ADPRHL1: variants seen among roughly 807,000 people sequenced by gnomAD.
ADPRHL1 encodes the protein ADP-ribosylhydrolase like 1.
ADPRHL1 carries 43 observed loss-of-function variants against 44.1 expected under a neutral mutation model. The observed-to-expected ratio is 0.98, with a 90% CI of 0.76 to 1.26. ADPRHL1 has a LOEUF of 1.26. Ranked by LOEUF, ADPRHL1 falls within the 50% of genes most tolerant of loss-of-function variation. The pLI is 0.00. For synonymous variants in ADPRHL1, 878 were observed against 1,017.4 expected (o/e 0.86, Z 2.61); for missense variants, 2,022 against 2,496.9 (o/e 0.81, Z 4.05).
intron 7 of ADPRHL1, among the ~76,000 whole-genome samples, chr13:113,419,037 TC>T (rs150903118): frequency 0.076 from 3,209 of 42,022 alleles, 4 homozygotes; most frequent in Middle Eastern, 0.15. Context: ...CCCCTTCCCC[TC>T]CCCTTCCCTT....
At chr13:113,412,170 A>T (rs998180644) in intron 7 of ADPRHL1, among the ~76,000 whole-genome samples, 53 of 152,070 alleles carry the variant, frequency 3.5e-4, no homozygotes, top group African/African-American at 1.2e-3. Context: ...GACTACTGTC[A>T]CAGCACTATA....
chr13:113,428,554 G>C (rs2043983181), intron 4 of ADPRHL1, among the ~76,000 whole-genome samples: 1 of 152,236 alleles, frequency 6.6e-6, no homozygotes, highest in Admixed American at 6.5e-5. Flanking sequence ...CTGAGGGAAG[G>C]GCCCAGCCCT....
At chr13:113,422,620 C>T (rs537808741) in intron 7 of ADPRHL1, 51 of 694,912 alleles carry the variant, frequency 7.3e-5, no homozygotes, top group African/African-American at 3.4e-4. Context: ...TGGTGGAGGA[C>T]GGAAAATATT....
rs2043784354 is a variant in ADPRHL1, at chr13:113,403,983, C to T, written c.5299G>A (p.Gly1767Arg). The T allele has an allele frequency of 7.6e-7, 1 of 1,318,286 alleles. No homozygotes were observed. The highest frequency in any genetic ancestry group is 2.5e-5 in the South Asian group (1 of 40,014). The allele number at this position is 1,318,286 out of a possible 1,614,324, so 81.7% of individuals were successfully genotyped here. A position where few individuals can be genotyped will look rare whatever the true frequency, so the allele number is the denominator to read the frequency against. Residue 1767 changes from glycine to arginine, a missense_variant, in exon 8 of 8, where the codon GGG becomes AGG. Transcript: ENST00000612156. ...CGATCCCGAGCCCATTCCTGAGCCC[C>T]TTTCTGGGCCTGACCCTGAGCCTCT... ...HIEAQGQAQK[G>R]AQEWARDRAR...
chr13:113,408,554 G>T (rs1315391364), intron 7 of ADPRHL1, among the ~76,000 whole-genome samples: 1 of 152,152 alleles, frequency 6.6e-6, no homozygotes, highest in Non-Finnish European at 1.5e-5. Flanking sequence ...CATATTAAAA[G>T]AAAATTTTAA....
chr13:113,444,214 A>G (rs966928323), intron 2 of ADPRHL1, among the ~76,000 whole-genome samples: 13 of 151,976 alleles, frequency 8.6e-5, no homozygotes, highest in Non-Finnish European at 1.9e-4. Flanking sequence ...TGCCGGGCTG[A>G]CCAGGAGGGG....
chr13:113,409,249 GA>G lies in ADPRHL1; in HGVS notation c.1062-1030del, dbSNP rs2043832877. The stretch of plus-strand genomic sequence containing the variant: ...TGCTCCTGAGCAGCCGTGACCACAG[GA>G]GCAAAGCTGGAAGGTCTCCCCATCT... On this transcript the variant is annotated intron_variant, in intron 7 of 7. Transcript: ENST00000612156. This position sits in a 1 kb window ranked among gnomAD's most constrained non-coding sequence, Gnocchi z 4.2. 1.0e-6 allele frequency: 1 copy of G among 975,344 alleles called. No homozygotes were observed. Among genetic ancestry groups the G allele is most frequent in the Non-Finnish European group, 1.2e-6 (1 of 820,936 alleles). 60.4% of individuals were successfully genotyped at this position (975,344 alleles called of 1,614,324 possible).
chr13:113,447,563 T>C (rs565796593), intron 1 of ADPRHL1, among the ~76,000 whole-genome samples: 1 of 151,618 alleles, frequency 6.6e-6, no homozygotes, highest in Non-Finnish European at 1.5e-5. Flanking sequence ...GGTGTCTACA[T>C]GCACATTGTA....
intron 2 of ADPRHL1, among the ~76,000 whole-genome samples, chr13:113,436,246 A>T: frequency 6.6e-6 from 1 of 151,434 alleles, no homozygotes; most frequent in Admixed American, 6.6e-5. Context: ...ACCCAGGTGT[A>T]GAGTGAACAT....
intron 7 of ADPRHL1, among the ~76,000 whole-genome samples, chr13:113,414,342 A>G (rs1037104686): frequency 1.3e-5 from 2 of 152,156 alleles, no homozygotes; most frequent in Admixed American, 6.5e-5. Context: ...AGAGGCCTGC[A>G]CTGCCATTTC....
chr13:113,425,279 G>A (rs568539113), intron 4 of ADPRHL1, 100 bp from the exon 5 acceptor site: 16 of 1,213,194 alleles, frequency 1.3e-5, no homozygotes, highest in Middle Eastern at 2.8e-4. Context: ...TGTGTGTGGC[G>A]GGGAAGTGGC....
In ADPRHL1 at chr13:113,405,330, G is replaced by A. The variant is rs1207178056; in HGVS notation, c.3952C>T (p.Pro1318Ser). ...AEPDHLLPAV[P>S]PAEVDMGWVG... ...CACCCCATGTCCACCTCCGCGGGAG[G>A]CACTGCGGGAAGCAGATGGTCAGGC... The change falls in exon 8 of 8, where the codon CCT (proline) becomes TCT (serine). Residue 1318 changes from proline to serine, a missense_variant. Pro to Ser is a moderately conservative substitution (Grantham distance 74, BLOSUM62 -1). Coordinates refer to ENST00000612156, the MANE Select transcript of ADPRHL1 (RefSeq NM_001394807.1). 2 of 1,231,836 alleles carry A rather than the reference G, an allele frequency of 1.6e-6. No individual in the cohort carries two copies. The highest frequency in any genetic ancestry group is 2.0e-6 in the Non-Finnish European group (2 of 988,068). The allele number at this position is 1,231,836 out of a possible 1,614,324, so 76.3% of individuals were successfully genotyped here.
rs977480546 is a variant in ADPRHL1 at position 113,441,031 on chromosome 13, T to C, written c.379+3394A>G. Among the ~76,000 whole-genome samples, 1 of 151,862 alleles carries C rather than the reference T, an allele frequency of 6.6e-6. No homozygotes were observed. Among genetic ancestry groups the C allele is most frequent in the African/African-American group, 2.4e-5 (1 of 41,362 alleles). On this transcript the variant is annotated intron_variant, in intron 2 of 7. Transcript: ENST00000612156. This position sits in a 1 kb window ranked among gnomAD's most constrained non-coding sequence, Gnocchi z 6.0. ...AGCCAGGTGTGGTGGTGGGCGCCCG[T>C]AGTCCCAGCTACTTGGGAGGTGGAG...
chr13:113,421,051 T>G (rs9577543), intron 7 of ADPRHL1, among the ~76,000 whole-genome samples: 1 of 101,256 alleles, frequency 9.9e-6, no homozygotes, highest in Non-Finnish European at 2.0e-5. Context: ...ATGCCTACCC[T>G]GGGACATCCC....
In ADPRHL1 at chr13:113,407,338, T is replaced by C. The variant is rs1220143701; in HGVS notation, c.1944A>G (p.Pro648=). The change falls in exon 8 of 8, where the codon CCA becomes CCG. Residue 648 remains proline (P), a synonymous_variant. Transcript: ENST00000612156. The part of the protein sequence containing the change: ...TKISHSEARR[P]PRGEASVPPS... ...GGGGCACGCTGGCTTCTCCTCTGGGTGGACGCCTTGCCTCCGAGTGGCTGA... is the reference window on the plus strand; with the variant it reads ...GGGGCACGCTGGCTTCTCCTCTGGGCGGACGCCTTGCCTCCGAGTGGCTGA... The C allele has an allele frequency of 8.0e-5, 98 of 1,231,902 alleles. No individual in the cohort carries two copies. The highest frequency in any genetic ancestry group is 9.3e-5 in the Non-Finnish European group (92 of 988,048). 76.3% of individuals were successfully genotyped at this position (1,231,902 alleles called of 1,614,324 possible). A position where few individuals can be genotyped will look rare whatever the true frequency, so the allele number is the denominator to read the frequency against.
chr13:113,440,179 G>A (rs2139644017), intron 2 of ADPRHL1, among the ~76,000 whole-genome samples: 1 of 152,280 alleles, frequency 6.6e-6, no homozygotes, highest in East Asian at 1.9e-4. Context: ...GCCAATGGCT[G>A]GAGACCTTCA....
intron 1 of ADPRHL1, among the ~76,000 whole-genome samples, chr13:113,447,847 C>T (rs2044153438): frequency 6.6e-6 from 1 of 152,184 alleles, no homozygotes. Flanking sequence ...TGTCTAAACC[C>T]AGTGTGTGCC....
rs527722798 is a variant in ADPRHL1 at position 113,408,229 on chromosome 13, A to C, written c.1062-9T>G. The stretch of plus-strand genomic sequence containing the variant: ...TCTTGCTGCTCTTCCGGCTGCAGAG[A>C]AAAAGGAATCATCACCTACTTCATC... On this transcript the variant is annotated splice_polypyrimidine_tract_variant and intron_variant, in intron 7 of 7. Coordinates refer to ENST00000612156, the MANE Select transcript of ADPRHL1 (RefSeq NM_001394807.1). The C allele has an allele frequency of 8.1e-7, 1 of 1,231,924 alleles. No homozygotes were observed. Among genetic ancestry groups the C allele is most frequent in the South Asian group, 4.1e-5 (1 of 24,310 alleles). The allele number at this position is 1,231,924 out of a possible 1,614,324, so 76.3% of individuals were successfully genotyped here. A position where few individuals can be genotyped will look rare whatever the true frequency, so the allele number is the denominator to read the frequency against.
intron 3 of ADPRHL1, among the ~76,000 whole-genome samples, chr13:113,429,345 C>T (rs2043990675): frequency 6.6e-6 from 1 of 152,250 alleles, no homozygotes; most frequent in African/African-American, 2.4e-5. Flanking sequence ...TCCCCAGGCC[C>T]TGGCCGCCCC....
Sources: allele counts gnomAD v4.1 joint callset (sites outside exome capture counted in the v4.1 genomes callset), GRCh38; gene constraint gnomAD v4.1.1; non-coding constraint Gnocchi (gnomAD v3.1); transcripts MANE v1.5; gene names NCBI Gene and HGNC (gene_info 2026-07-23, HGNC 2026-07-21).